PSMC1: variants seen among roughly 807,000 people sequenced by gnomAD.
PSMC1 encodes the protein proteasome 26S subunit, ATPase 1, also known as 26S proteasome regulatory subunit 4.
Under a neutral mutation model 49.8 loss-of-function variants are expected in PSMC1, and 5 were observed. The ratio of observed to expected loss-of-function variants is 0.10; its 90% CI spans 0.05 to 0.21. The LOEUF is 0.21. Among genes scored for constraint, PSMC1 ranks in the 10% least tolerant of loss-of-function variants. The pLI is 1.00. For synonymous variants in PSMC1, 155 were observed against 192.1 expected, an observed-to-expected ratio of 0.81 and a Z score of 1.60; for missense variants, 181 against 535.7, an observed-to-expected ratio of 0.34 and a Z score of 6.54.
intron 1 of PSMC1, among the ~76,000 whole-genome samples, chr14:90,258,565 T>TA (rs1318393637): frequency 6.6e-6 from 1 of 152,184 alleles, no homozygotes; most frequent in East Asian, 1.9e-4. Flanking sequence ...ATTAATACAC[T>TA]AAGTTCTTAA....
intron 7 of PSMC1, 186 bp from the exon 8 acceptor site, chr14:90,268,038 A>G (rs1891563460): frequency 2.0e-6 from 1 of 512,642 alleles, no homozygotes; most frequent in African/African-American, 2.0e-5. Flanking sequence ...ATGTTAGTAG[A>G]TTTTTCTAAA....
chr14:90,262,739 G>GC (rs1891425151), intron 3 of PSMC1, among the ~76,000 whole-genome samples: 1 of 151,584 alleles, frequency 6.6e-6, no homozygotes, highest in South Asian at 2.1e-4. Context: ...AGCTGAGATC[G>GC]CGCCGCTGCA....
At position 90,270,409 on chromosome 14, in the gene PSMC1, A is replaced by G; in HGVS notation, c.1188+57A>G. 4 of 1,556,162 alleles carry G rather than the reference A, an allele frequency of 2.6e-6. No individual in the cohort carries two copies. In the South Asian group the frequency reaches 3.5e-5, roughly 14 times the overall value. On this transcript the variant is annotated intron_variant, in intron 10 of 10. Transcript: ENST00000261303. ...GGAATGTGGCCGTCAATCAGGAAAGAGTCTATATGTGCTCTTGGGATGGTG... is the reference window on the plus strand; with the variant it reads ...GGAATGTGGCCGTCAATCAGGAAAGGGTCTATATGTGCTCTTGGGATGGTG...
intron 7 of PSMC1, chr14:90,267,971 A>G (rs917074199): frequency 8.2e-6 from 3 of 365,036 alleles, no homozygotes; most frequent in Non-Finnish European, 1.5e-5. Flanking sequence ...TAACCAAGTA[A>G]AAAGTATTTT....
rs901371255 is a variant in PSMC1 at position 90,272,261 on chromosome 14, T to A, written c.1189-12T>A. The A allele has an allele frequency of 5.6e-6, 9 of 1,601,852 alleles. No individual in the cohort carries two copies. The Admixed American group carries it at 7.1e-5, about 13-fold the overall frequency. ...GTATGTCACTTTCTGAACACACTCT[T>A]CTTTCTTACAGGCAATCTGTACAGA... On this transcript the variant is annotated splice_polypyrimidine_tract_variant and intron_variant, in intron 10 of 10. Coordinates refer to ENST00000261303, the MANE Select transcript of PSMC1 (RefSeq NM_002802.3). This position sits in a 1 kb window ranked among gnomAD's most constrained non-coding sequence, Gnocchi z 4.5.
chr14:90,268,249 A>C lies in PSMC1; in HGVS notation c.717A>C (p.Val239=). Residue 239 remains valine, a synonymous_variant, in exon 8 of 11, where the codon GTA becomes GTC. Coordinates refer to ENST00000261303, the MANE Select transcript of PSMC1 (RefSeq NM_002802.3). ...GTGKTLLAKA[V]ANQTSATFLR... The stretch of plus-strand genomic sequence containing the variant: ...GTAAAACCTTGTTAGCCAAAGCAGT[A>C]GCAAACCAAACCTCAGCCACTTTCT... The C allele has an allele frequency of 6.3e-7, 1 of 1,596,396 alleles. No homozygotes were observed. Among genetic ancestry groups the C allele is most frequent in the South Asian group, 1.1e-5 (1 of 88,144 alleles).
At position 90,272,625 on chromosome 14, in the gene PSMC1, A is replaced by T. The variant is rs750201052; in HGVS notation, c.*218A>T. 1.6e-5 allele frequency: 7 copies of T among 448,158 alleles called. No individual in the cohort carries two copies. Among genetic ancestry groups the T allele is most frequent in the African/African-American group, 2.0e-5 (1 of 48,904 alleles). The allele number at this position is 448,158 out of a possible 1,614,324, so 27.8% of individuals were successfully genotyped here. ...CAATAAAGCGTGCTCTTTCACAAAC[A>T]CTTCCTGTTTCTGCAGTCTCCACAC... On this transcript the variant is annotated 3_prime_UTR_variant, in exon 11 of 11. Coordinates refer to ENST00000261303, the MANE Select transcript of PSMC1 (RefSeq NM_002802.3). This position sits in a 1 kb window ranked among gnomAD's most constrained non-coding sequence, Gnocchi z 4.5.
chr14:90,260,251 A>G (rs1891371630), intron 3 of PSMC1, 40 bp downstream of exon 3: 5 of 1,426,910 alleles, frequency 3.5e-6, no homozygotes, highest in Non-Finnish European at 4.9e-6. Flanking sequence ...TCCAGTTCTT[A>G]GGATAAACCA....
chr14:90,269,559 C>T lies in PSMC1; in HGVS notation c.1033+11C>T, dbSNP rs1891606754. 1 of 1,611,738 alleles carries T rather than the reference C, an allele frequency of 6.2e-7. No individual in the cohort carries two copies. The highest frequency in any genetic ancestry group is 8.5e-7 in the Non-Finnish European group (1 of 1,178,794). On this transcript the variant is annotated intron_variant, in intron 9 of 10. Transcript: ENST00000261303. ...CACTTATCAGACCAGGTTAAATTTG[C>T]TTTGGTTTCATCATGGAGATTAATG...
chr14:90,266,384 C>G (rs1252975245), intron 7 of PSMC1, among the ~76,000 whole-genome samples: 1 of 152,202 alleles, frequency 6.6e-6, no homozygotes, highest in East Asian at 1.9e-4. Context: ...TGACAGTGTT[C>G]CTAAGAAGAT....
chr14:90,272,157 G>C lies in PSMC1; in HGVS notation c.1189-116G>C. On this transcript the variant is annotated intron_variant, in intron 10 of 10. Transcript: ENST00000261303. This position sits in a 1 kb window ranked among gnomAD's most constrained non-coding sequence, Gnocchi z 4.5. ...GATCCACCTGCCTCGGCCTCCCAGA[G>C]TGCTGGGATTACAGGTGTGAGCCAC... 1 of 1,159,102 alleles carries C rather than the reference G, an allele frequency of 8.6e-7. No homozygotes were observed. Among genetic ancestry groups the C allele is most frequent in the Non-Finnish European group, 1.2e-6 (1 of 821,286 alleles). The allele number at this position is 1,159,102 out of a possible 1,614,324, so 71.8% of individuals were successfully genotyped here.
chr14:90,260,263 C>G (rs756165090), intron 3 of PSMC1, 52 bp downstream of exon 3: 2 of 1,335,746 alleles, frequency 1.5e-6, no homozygotes, highest in Non-Finnish European at 2.1e-6. Flanking sequence ...GATAAACCAT[C>G]TCTGTGCATG....
intron 8 of PSMC1, 134 bp from the exon 9 acceptor site, chr14:90,269,263 A>G (rs902504341): frequency 2.7e-6 from 2 of 747,628 alleles, no homozygotes; most frequent in African/African-American, 3.5e-5. Context: ...TCCGAGCATA[A>G]TTGAGGGAGT....
rs1361536831 is a variant in PSMC1, at chr14:90,272,093, C to T, written c.1189-180C>T. The T allele has an allele frequency of 8.4e-6, 4 of 475,324 alleles. No homozygotes were observed. Among genetic ancestry groups the T allele is most frequent in the South Asian group, 2.4e-5 (1 of 42,494 alleles). The allele number at this position is 475,324 out of a possible 1,614,324, so 29.4% of individuals were successfully genotyped here. A position where few individuals can be genotyped will look rare whatever the true frequency, so the allele number is the denominator to read the frequency against. On this transcript the variant is annotated intron_variant, in intron 10 of 10. Transcript: ENST00000261303. This position sits in a 1 kb window ranked among gnomAD's most constrained non-coding sequence, Gnocchi z 4.5. The stretch of plus-strand genomic sequence containing the variant: ...ATTTTTAGTAGAGATGGGGTTTCAC[C>T]GTGTTGGCCAGGCTGGTCTTGAACT...
chr14:90,272,298 T>C lies in PSMC1; in HGVS notation c.1214T>C (p.Met405Thr), dbSNP rs1423055389. 15 of 1,604,268 alleles carry C rather than the reference T, an allele frequency of 9.4e-6. No individual in the cohort carries two copies. The highest frequency in any genetic ancestry group is 1.3e-5 in the African/African-American group (1 of 74,208). ...GCAATCTGTACAGAAGCTGGTCTGA[T>C]GGCCTTAAGAGAACGTAGAATGAAA... is the stretch of plus-strand genomic sequence containing the variant. ...IKAICTEAGL[M>T]ALRERRMKVT... Residue 405 changes from methionine (M) to threonine (T), a missense_variant, in exon 11 of 11, where the codon ATG becomes ACG. Coordinates refer to ENST00000261303, the MANE Select transcript of PSMC1 (RefSeq NM_002802.3). This position sits in a 1 kb window ranked among gnomAD's most constrained non-coding sequence, Gnocchi z 4.5.
At position 90,265,573 on chromosome 14, in the gene PSMC1, C is replaced by T. The variant is rs1174788509; in HGVS notation, c.691+407C>T. On this transcript the variant is annotated intron_variant, in intron 7 of 10. Coordinates refer to ENST00000261303, the MANE Select transcript of PSMC1 (RefSeq NM_002802.3). ...GTGTGGTGACGTGCGCCTGTAGTCCCGGCTACTCGGGAGGCTGAGGCAGGA... is the reference window on the plus strand; with the variant it reads ...GTGTGGTGACGTGCGCCTGTAGTCCTGGCTACTCGGGAGGCTGAGGCAGGA... Among the ~76,000 whole-genome samples, 5 of 151,690 alleles carry T rather than the reference C, an allele frequency of 3.3e-5. No homozygotes were observed. In the South Asian group the frequency reaches 6.3e-4, roughly 19 times the overall value.
chr14:90,274,787 T>TTACAC lies in PSMC1; in HGVS notation c.*2380_*2381insTACAC, dbSNP rs1487403197. 2 of 110,908 alleles carry TTACAC rather than the reference T, an allele frequency of 1.8e-5. No homozygotes were observed. Among genetic ancestry groups the TTACAC allele is most frequent in the African/African-American group, 6.3e-5 (2 of 31,734 alleles). The allele number at this position is 110,908 out of a possible 1,614,324, so 6.9% of individuals were successfully genotyped here. On this transcript the variant is annotated 3_prime_UTR_variant, in exon 11 of 11. Coordinates refer to ENST00000261303, the MANE Select transcript of PSMC1 (RefSeq NM_002802.3). ...CAGTATAGCCCTTTAAATAGGGAAC[T>TTACAC]ACACACACACACACACACACACACA...
intron 3 of PSMC1, among the ~76,000 whole-genome samples, chr14:90,262,697 T>C (rs967092588): frequency 3.3e-5 from 5 of 151,518 alleles, no homozygotes; most frequent in African/African-American, 1.2e-4. Flanking sequence ...GGCAGGAGAA[T>C]CGCTTGAACC....
chr14:90,269,321 T>A (rs1891600016), intron 8 of PSMC1, 76 bp from the exon 9 acceptor site: 1 of 1,293,444 alleles, frequency 7.7e-7, no homozygotes, highest in African/African-American at 1.5e-5. Flanking sequence ...TTTGTCACAA[T>A]GAGGTCTTTG....
Sources: gnomAD v4.1 joint callset for allele counts (sites outside exome capture counted in the v4.1 genomes callset) on GRCh38, gnomAD v4.1.1 for gene constraint, Gnocchi (gnomAD v3.1) non-coding constraint, MANE v1.5 for transcripts, NCBI Gene and HGNC (gene_info 2026-07-23, HGNC 2026-07-21) for gene names.